Variants in ZFP69B observed in about 807,000 individuals in gnomAD.
The protein encoded by ZFP69B is ZFP69 zinc finger protein B.
In ZFP69B, 20 loss-of-function variants were observed where a neutral mutation model predicts 19.7. The observed-to-expected ratio is 1.02, with a 90% CI of 0.71 to 1.48. ZFP69B has a LOEUF of 1.48. ZFP69B is among the 40% of genes most tolerant of loss of function. ZFP69B has a pLI of 0.00. For missense variants in ZFP69B, 583 were observed against 632.6 expected, an observed-to-expected ratio of 0.92 and a Z score of 0.84; for synonymous variants, 220 against 222.7, an observed-to-expected ratio of 0.99 and a Z score of 0.11.
At chr1:40,451,543 G>A (rs1484017839) in intron 1 of ZFP69B, among the ~76,000 whole-genome samples, 1 of 151,680 alleles carries the variant, frequency 6.6e-6, no homozygotes, top group Non-Finnish European at 1.5e-5. Context: ...CAGGTTTAAG[G>A]GTCTCTCACT....
At chr1:40,459,837 G>C (rs1645266151) in intron 4 of ZFP69B, among the ~76,000 whole-genome samples, 1 of 152,062 alleles carries the variant, frequency 6.6e-6, no homozygotes. Flanking sequence ...TTATAAGTGA[G>C]GTTAGAAATA....
At position 40,457,396 on chromosome 1, in the gene ZFP69B, A is replaced by G. The variant is rs1645243901; in HGVS notation, c.393A>G (p.Glu131=). ...TTTCCCAGTTGGAGAAAGGAGAAGA[A>G]CCATGGCTGATGGAGAGAGATATTT... The part of the protein sequence containing the change: ...GVISQLEKGE[E]PWLMERDISG... Residue 131 remains glutamate (E), a synonymous_variant, in exon 4 of 5, where the codon GAA becomes GAG. Transcript: ENST00000361584. 1 of 1,614,178 alleles carries G rather than the reference A, an allele frequency of 6.2e-7. No individual in the cohort carries two copies. The highest frequency in any genetic ancestry group is 8.5e-7 in the Non-Finnish European group (1 of 1,180,016).
chr1:40,463,153 C>A lies in ZFP69B; in HGVS notation c.1169C>A (p.Pro390His), dbSNP rs149173649. 272 of 1,614,082 alleles carry A rather than the reference C, an allele frequency of 1.7e-4. No homozygotes were observed. Among genetic ancestry groups the A allele is most frequent in the Non-Finnish European group, 2.2e-4 (260 of 1,180,010 alleles). Residue 390 changes from proline (P) to histidine (H), a missense_variant, in exon 5 of 5, where the codon CCT becomes CAT. Pro to His is a moderately conservative substitution (Grantham distance 77). Transcript: ENST00000361584. ...QHLRTHVREK[P>H]FTCKDCGKAF... ...TTGAGAACTCATGTTAGAGAGAAAC[C>A]TTTTACATGCAAAGACTGTGGAAAA...
chr1:40,458,335 T>C (rs1645252761), intron 4 of ZFP69B, among the ~76,000 whole-genome samples: 1 of 152,188 alleles, frequency 6.6e-6, no homozygotes, highest in African/African-American at 2.4e-5. Flanking sequence ...TCATTGCTTT[T>C]TCAGTGTTTC....
chr1:40,450,828 T>C lies in ZFP69B; in HGVS notation c.-134T>C. ...GTTCCTGAGAGAGGACATTGAGGAG[T>C]AGGAGTCGGCGATTAAGGAGATCGG... On this transcript the variant is annotated 5_prime_UTR_variant, in exon 1 of 5. It removes the in-frame stop codon of an upstream open reading frame in the 5' UTR. Transcript: ENST00000361584. 2 of 994,048 alleles carry C rather than the reference T, an allele frequency of 2.0e-6. No homozygotes were observed. Among genetic ancestry groups the C allele is most frequent in the Non-Finnish European group, 1.3e-6 (1 of 745,480 alleles). 61.6% of individuals were successfully genotyped at this position (994,048 alleles called of 1,614,324 possible).
In ZFP69B at chr1:40,463,398, G is replaced by A. The variant is rs1037723923; in HGVS notation, c.1414G>A (p.Val472Ile). The change falls in exon 5 of 5, where the codon GTA becomes ATA. Residue 472 changes from valine (V) to isoleucine (I), a missense_variant. Val to Ile is a conservative substitution (Grantham distance 29). Transcript: ENST00000361584. Reference sequence around the variant, plus strand: ...TATCCATCAGAGAGTCCATACTGGAGTAAAACCTTATGAATGCAGTCATTG... The same window carrying A: ...TATCCATCAGAGAGTCCATACTGGAATAAAACCTTATGAATGCAGTCATTG... ...LSIHQRVHTG[V>I]KPYECSHCGK... is the part of the protein sequence containing the mutation. 1 of 1,614,072 alleles carries A rather than the reference G, an allele frequency of 6.2e-7. No homozygotes were observed. Among genetic ancestry groups the A allele is most frequent in the Non-Finnish European group, 8.5e-7 (1 of 1,179,950 alleles).
rs369077689 is a variant in ZFP69B, at chr1:40,463,510, G to C, written c.1526G>C (p.Gly509Ala). 3 of 1,614,118 alleles carry C rather than the reference G, an allele frequency of 1.9e-6. No homozygotes were observed. The East Asian group carries it at 6.7e-5, about 36-fold the overall frequency. The change falls in exon 5 of 5, where the codon GGA (glycine) becomes GCA (alanine). Residue 509 changes from glycine (G) to alanine (A), a missense_variant. Coordinates refer to ENST00000361584, the MANE Select transcript of ZFP69B (RefSeq NM_023070.3). ...AAACCTTATGATTGTAATGAGTGTG[G>C]AAAAGCCTTCAGCTGTAGTTCATCC... Reference protein sequence around the residue: ...GEKPYDCNECGKAFSCSSSLI... With the variant: ...GEKPYDCNECAKAFSCSSSLI...
chr1:40,452,523 C>T (rs559065490), intron 1 of ZFP69B, among the ~76,000 whole-genome samples: 2 of 152,138 alleles, frequency 1.3e-5, no homozygotes, highest in South Asian at 2.1e-4. Context: ...TCAGACTGTT[C>T]TTGTATCTTA....
At position 40,450,816 on chromosome 1, in the gene ZFP69B, G is replaced by T. The variant is rs1645178240; in HGVS notation, c.-146G>T. On this transcript the variant is annotated 5_prime_UTR_variant, in exon 1 of 5. Coordinates refer to ENST00000361584, the MANE Select transcript of ZFP69B (RefSeq NM_023070.3). ...TATGTTCCCTGGGTTCCTGAGAGAG[G>T]ACATTGAGGAGTAGGAGTCGGCGAT... is the stretch of plus-strand genomic sequence containing the variant. 5.8e-6 allele frequency: 5 copies of T among 859,712 alleles called. No homozygotes were observed. The highest frequency in any genetic ancestry group is 8.0e-6 in the Non-Finnish European group (5 of 628,044). 53.3% of individuals were successfully genotyped at this position (859,712 alleles called of 1,614,324 possible).
chr1:40,458,241 A>G (rs535948945), intron 4 of ZFP69B, among the ~76,000 whole-genome samples: 17 of 152,358 alleles, frequency 1.1e-4, no homozygotes, highest in Admixed American at 9.8e-4. Flanking sequence ...ACACGACTGC[A>G]TTAGATTACA....
In ZFP69B at chr1:40,462,657, T is replaced by C. The variant is rs767748640; in HGVS notation, c.673T>C (p.Ser225Pro). The C allele has an allele frequency of 6.2e-7, 1 of 1,613,720 alleles. No individual in the cohort carries two copies. The highest frequency in any genetic ancestry group is 1.7e-5 in the Admixed American group (1 of 59,984). ...ATTCACTCAGGAGAGAGGCCAAGAGTCTAATAGATTTGAGAAAAGAATTAA... is the reference window on the plus strand; with the variant it reads ...ATTCACTCAGGAGAGAGGCCAAGAGCCTAATAGATTTGAGAAAAGAATTAA... ...KTFTQERGQE[S>P]NRFEKRINVK... The change falls in exon 5 of 5, where the codon TCT becomes CCT. Residue 225 changes from serine to proline, a missense_variant. By Grantham distance (74) the Ser-to-Pro change is moderately conservative (BLOSUM62 -1). Transcript: ENST00000361584.
chr1:40,452,737 T>C (rs938032478), intron 1 of ZFP69B, among the ~76,000 whole-genome samples: 1 of 152,204 alleles, frequency 6.6e-6, no homozygotes, highest in Non-Finnish European at 1.5e-5. Context: ...TTTTCATAGA[T>C]TTAATAAATA....
At chr1:40,451,759 T>C (rs1344065595) in intron 1 of ZFP69B, among the ~76,000 whole-genome samples, 1 of 152,160 alleles carries the variant, frequency 6.6e-6, no homozygotes, top group African/African-American at 2.4e-5. Context: ...ACCTTGCCTT[T>C]TAGATCCTCT....
In ZFP69B at chr1:40,450,846, G is replaced by C. The variant is rs1268774529; in HGVS notation, c.-116G>C. 8.2e-7 allele frequency: 1 copy of C among 1,216,510 alleles called. No homozygotes were observed. The highest frequency in any genetic ancestry group is 1.1e-6 in the Non-Finnish European group (1 of 934,490). 75.4% of individuals were successfully genotyped at this position (1,216,510 alleles called of 1,614,324 possible). ...TGAGGAGTAGGAGTCGGCGATTAAGGAGATCGGTACAATTGGGAAGCCTCC... is the reference window on the plus strand; with the variant it reads ...TGAGGAGTAGGAGTCGGCGATTAAGCAGATCGGTACAATTGGGAAGCCTCC... On this transcript the variant is annotated 5_prime_UTR_variant, in exon 1 of 5. Coordinates refer to ENST00000361584, the MANE Select transcript of ZFP69B (RefSeq NM_023070.3).
intron 4 of ZFP69B, among the ~76,000 whole-genome samples, chr1:40,461,918 T>TA (rs1044977133): frequency 2.0e-5 from 3 of 152,230 alleles, no homozygotes; most frequent in African/African-American, 7.2e-5. Flanking sequence ...TCATTTTACT[T>TA]ACTTTTTTCT....
In ZFP69B at chr1:40,462,411, T is replaced by C. The variant is rs781571146; in HGVS notation, c.437-10T>C. On this transcript the variant is annotated splice_polypyrimidine_tract_variant and intron_variant, in intron 4 of 4. Coordinates refer to ENST00000361584, the MANE Select transcript of ZFP69B (RefSeq NM_023070.3). ...GGAATATGGATCTTTTTTTTTATTA[T>C]TTCTTTCAGACTTGAAGAGCAAAAC... The C allele has an allele frequency of 2.4e-4, 370 of 1,560,988 alleles. No homozygotes were observed. The highest frequency in any genetic ancestry group is 2.8e-4 in the Non-Finnish European group (329 of 1,161,792).
At chr1:40,458,863 G>A (rs1312709857) in intron 4 of ZFP69B, among the ~76,000 whole-genome samples, 1 of 152,124 alleles carries the variant, frequency 6.6e-6, no homozygotes, top group Non-Finnish European at 1.5e-5. Flanking sequence ...TCTTCATCTG[G>A]TGATTCAGAA....
Position 40,462,826 on chromosome 1 carries a change from G to A in ZFP69B, c.842G>A (p.Cys281Tyr). 1 of 1,614,024 alleles carries A rather than the reference G, an allele frequency of 6.2e-7. No homozygotes were observed. Residue 281 changes from cysteine to tyrosine, a missense_variant, in exon 5 of 5, where the codon TGT (cysteine) becomes TAT (tyrosine). Coordinates refer to ENST00000361584, the MANE Select transcript of ZFP69B (RefSeq NM_023070.3). The stretch of plus-strand genomic sequence containing the variant: ...TATACAAAAATGAAAACCTTTGAGT[G>A]TAATATTTGTGAAAAAATCTTCAAA... ...RSYTKMKTFE[C>Y]NICEKIFKQL...
intron 4 of ZFP69B, among the ~76,000 whole-genome samples, chr1:40,458,150 T>C (rs1463071337): frequency 6.6e-6 from 1 of 152,234 alleles, no homozygotes; most frequent in East Asian, 1.9e-4. Context: ...TACAGGGCAG[T>C]TAGCTACTAC....
Sources: allele counts gnomAD v4.1 joint callset (sites outside exome capture counted in the v4.1 genomes callset), GRCh38; gene constraint gnomAD v4.1.1; transcripts MANE v1.5; gene names NCBI Gene and HGNC (gene_info 2026-07-23, HGNC 2026-07-21).